The following SHANK2 variants were observed in gnomAD, a reference collection of about 807,000 sequenced individuals.
SHANK2 encodes SH3 and multiple ankyrin repeat domains protein 2.
In SHANK2, 43 loss-of-function variants were observed where a neutral mutation model predicts 133.7. The observed-to-expected ratio is 0.32, with a 90% CI of 0.25 to 0.41. SHANK2 has a LOEUF of 0.41. SHANK2 is among the 10% of genes least tolerant of loss of function. SHANK2 has a pLI of 1.00. For missense variants in SHANK2, 1,994 were observed against 2,235.8 expected (o/e 0.89, Z 2.18); for synonymous variants, 1,017 against 952.8 (o/e 1.07, Z -1.24).
chr11:70,837,975 C>CAA (rs55862093), intron 11 of SHANK2, among the ~76,000 whole-genome samples: 946 of 25,156 alleles, frequency 0.038, 109 homozygotes, highest in African/African-American at 0.088. Context: ...CATTCTGTCT[C>CAA]AAAAAAAAAA....
intron 17 of SHANK2, among the ~76,000 whole-genome samples, chr11:70,509,302 C>T (rs144197897): frequency 1.3e-5 from 2 of 152,388 alleles, no homozygotes; most frequent in Non-Finnish European, 2.9e-5. Context: ...CACAGGTCTC[C>T]AGCGCTGCCC....
rs75728906 is a variant in SHANK2, at chr11:71,233,339, C to T, written c.-112-8543G>A. On this transcript the variant is annotated intron_variant, in intron 1 of 25. Coordinates refer to ENST00000601538, the MANE Select transcript of SHANK2 (RefSeq NM_012309.5). ...CTACAACACGGATGAACCTCGGTAA[C>T]ACGATGCTAAGTGAAAGAAGCCAGT... Among the ~76,000 whole-genome samples, 857 of 152,254 alleles carry T rather than the reference C, an allele frequency of 5.6e-3. 5 individuals are homozygous for T. Among genetic ancestry groups the T allele is most frequent in the African/African-American group, 0.02 (829 of 41,534 alleles).
chr11:71,110,355 A>G (rs1387281232), intron 5 of SHANK2, among the ~76,000 whole-genome samples: 1 of 152,212 alleles, frequency 6.6e-6, no homozygotes, highest in South Asian at 2.1e-4. Context: ...GGAGAATGGC[A>G]TGAACCTGGG....
At chr11:70,758,527 T>C (rs1946922493) in intron 14 of SHANK2, among the ~76,000 whole-genome samples, 3 of 152,338 alleles carry the variant, frequency 2.0e-5, no homozygotes, top group African/African-American at 7.2e-5. Flanking sequence ...TCGAGCTGAA[T>C]AGAGCTGTAA....
intron 3 of SHANK2, among the ~76,000 whole-genome samples, chr11:71,133,690 T>C (rs1474218075): frequency 1.1e-4 from 16 of 152,080 alleles, no homozygotes; most frequent in African/African-American, 3.6e-4. Flanking sequence ...CCACACTCCA[T>C]GGACTCAAAG....
At chr11:71,215,854 C>T (rs1555119753) in intron 2 of SHANK2, among the ~76,000 whole-genome samples, 3 of 152,166 alleles carry the variant, frequency 2.0e-5, no homozygotes, top group South Asian at 2.1e-4. Flanking sequence ...GTCAGGCTCC[C>T]GCAGCACCTA....
chr11:70,517,353 G>A (rs1243901260), intron 17 of SHANK2, among the ~76,000 whole-genome samples: 4 of 152,200 alleles, frequency 2.6e-5, no homozygotes, highest in Admixed American at 1.3e-4. Flanking sequence ...TCCAGCAATT[G>A]TGCTCCTTTG....
intron 17 of SHANK2, among the ~76,000 whole-genome samples, chr11:70,587,667 G>T (rs1321869787): frequency 6.8e-6 from 1 of 147,950 alleles, no homozygotes; most frequent in African/African-American, 2.5e-5. Flanking sequence ...CAAACTGAAG[G>T]TTTATGGCAA....
At chr11:70,890,797 C>CAAAA (rs11388360) in intron 11 of SHANK2, among the ~76,000 whole-genome samples, 2 of 125,168 alleles carry the variant, frequency 1.6e-5, no homozygotes, top group African/African-American at 6.3e-5. Context: ...GAAACTGTCT[C>CAAAA]AAAAAAAAAA....
rs1288300942 is a variant in SHANK2 at position 70,486,567 on chromosome 11, G to C, written c.3726C>G (p.Asp1242Glu). 1 of 1,613,976 alleles carries C rather than the reference G, an allele frequency of 6.2e-7. No individual in the cohort carries two copies. The highest frequency in any genetic ancestry group is 1.3e-5 in the African/African-American group (1 of 74,930). ...QGPKGEAPKADLNKPLYIDTK... is the reference protein window; with the variant it reads ...QGPKGEAPKAELNKPLYIDTK... Reference sequence around the variant, plus strand: ...TATCAATGTAAAGAGGTTTGTTGAGGTCGGCCTTGGGGGCCTCCCCTTTGG... The same window carrying C: ...TATCAATGTAAAGAGGTTTGTTGAGCTCGGCCTTGGGGGCCTCCCCTTTGG... Residue 1242 changes from aspartate (D) to glutamate (E), a missense_variant, in exon 25 of 26, where the codon GAC becomes GAG. By Grantham distance (45) the Asp-to-Glu change is conservative. Coordinates refer to ENST00000601538, the MANE Select transcript of SHANK2 (RefSeq NM_012309.5). The surrounding 1 kb of genome is among the most constrained non-coding windows in gnomAD (Gnocchi z 8.0).
intron 3 of SHANK2, among the ~76,000 whole-genome samples, chr11:71,141,641 G>A (rs1235651177): frequency 1.3e-5 from 2 of 152,018 alleles, no homozygotes; most frequent in East Asian, 1.9e-4. Flanking sequence ...CTCAGTCTCC[G>A]GTAGTTAGCA....
chr11:70,810,001 A>C lies in SHANK2; in HGVS notation c.1494-2830T>G, dbSNP rs7113454. Among the ~76,000 whole-genome samples the C allele has an allele frequency of 9.1e-3, 1,393 of 152,328 alleles. 14 individuals are homozygous for C. The highest frequency in any genetic ancestry group is 0.031 in the African/African-American group (1,299 of 41,574). ...TGGAGCCCACCGGGCACGGTGTGGC[A>C]CAGCAGTGCATCGATGTGCACAGCC... On this transcript the variant is annotated intron_variant, in intron 12 of 25. Coordinates refer to ENST00000601538, the MANE Select transcript of SHANK2 (RefSeq NM_012309.5).
chr11:70,785,339 C>G (rs1486728669), intron 14 of SHANK2, among the ~76,000 whole-genome samples: 2 of 152,214 alleles, frequency 1.3e-5, no homozygotes, highest in Non-Finnish European at 2.9e-5. Context: ...GGGGCCCTCA[C>G]TCATCAAAGC....
intron 4 of SHANK2, among the ~76,000 whole-genome samples, chr11:71,114,292 T>C (rs1951940153): frequency 6.6e-6 from 1 of 152,186 alleles, no homozygotes; most frequent in African/African-American, 2.4e-5. Context: ...CCCTCCTTAC[T>C]GCCCTTGATG....
At chr11:71,189,431 C>T (rs1191654851) in intron 2 of SHANK2, among the ~76,000 whole-genome samples, 1 of 152,192 alleles carries the variant, frequency 6.6e-6, no homozygotes, top group Non-Finnish European at 1.5e-5. Flanking sequence ...GAGTCCCACC[C>T]TGTTGTCCAG....
chr11:71,212,930 C>T (rs1020298461), intron 2 of SHANK2, among the ~76,000 whole-genome samples: 1 of 151,130 alleles, frequency 6.6e-6, no homozygotes, highest in Admixed American at 6.6e-5. Flanking sequence ...CAGGCGGAGG[C>T]ACAGGGAGAG....
chr11:70,602,294 A>G (rs1331415185), intron 17 of SHANK2, among the ~76,000 whole-genome samples: 1 of 152,194 alleles, frequency 6.6e-6, no homozygotes, highest in African/African-American at 2.4e-5. Flanking sequence ...TTACCCAGTC[A>G]TAGATATTTC....
At chr11:70,754,881 A>C (rs1555038364) in intron 14 of SHANK2, among the ~76,000 whole-genome samples, 1 of 152,148 alleles carries the variant, frequency 6.6e-6, no homozygotes, top group Non-Finnish European at 1.5e-5. Flanking sequence ...AAATATCTAG[A>C]TTTAACACGG....
intron 1 of SHANK2, among the ~76,000 whole-genome samples, chr11:71,234,465 A>G (rs945771068): frequency 1.3e-5 from 2 of 152,198 alleles, no homozygotes; most frequent in African/African-American, 4.8e-5. Context: ...ACTCTTACAG[A>G]GGTGGAAACC....
Sources: allele counts gnomAD v4.1 joint callset (sites outside exome capture counted in the v4.1 genomes callset), GRCh38; gene constraint gnomAD v4.1.1; non-coding constraint Gnocchi (gnomAD v3.1); transcripts MANE v1.5; gene names NCBI Gene and HGNC (gene_info 2026-07-23, HGNC 2026-07-21).